The following ARFGEF2 variants were observed in gnomAD, a reference collection of about 807,000 sequenced individuals.
ARFGEF2 encodes brefeldin A-inhibited guanine nucleotide-exchange protein 2.
ARFGEF2 carries 74 observed loss-of-function variants against 219.9 expected under a neutral mutation model. The observed-to-expected ratio is 0.34, with a 90% CI of 0.28 to 0.41. The LOEUF (loss-of-function observed/expected upper bound fraction) is 0.41, where lower values mean the gene tolerates loss of function less well. ARFGEF2 is among the 10% of genes least tolerant of loss of function. The probability of loss-of-function intolerance (pLI) is 1.00; values close to 1 mark genes in which losing one functional copy is unlikely to be tolerated. For synonymous variants in ARFGEF2, 733 were observed against 799.2 expected (o/e 0.92, Z 1.40); for missense variants, 1,743 against 2,218.3 (o/e 0.79, Z 4.30).
intron 6 of ARFGEF2, among the ~76,000 whole-genome samples, chr20:48,962,441 T>C (rs984500052): frequency 2.0e-5 from 3 of 152,164 alleles, no homozygotes; most frequent in African/African-American, 7.2e-5. Flanking sequence ...TGGTTCCTCA[T>C]TGACCAAACG....
chr20:49,017,409 C>A, intron 32 of ARFGEF2, 22 bp downstream of exon 32: 3 of 1,613,882 alleles, frequency 1.9e-6, no homozygotes, highest in Non-Finnish European at 2.5e-6. Flanking sequence ...TGCAGTTGTT[C>A]CCGTTTATCT....
At chr20:49,021,302 A>G (rs2091563768) in intron 34 of ARFGEF2, among the ~76,000 whole-genome samples, 1 of 152,156 alleles carries the variant, frequency 6.6e-6, no homozygotes, top group Non-Finnish European at 1.5e-5. Context: ...GCCACTTTCA[A>G]AAACTTAAAG....
At chr20:48,975,887 T>C in intron 13 of ARFGEF2, 129 bp from the exon 14 acceptor site, 1 of 826,728 alleles carries the variant, frequency 1.2e-6, no homozygotes, top group Admixed American at 2.0e-5. Context: ...GTTTCATGCT[T>C]ATAATCCTTA....
intron 3 of ARFGEF2, among the ~76,000 whole-genome samples, chr20:48,945,172 C>T (rs189863054): frequency 3.2e-4 from 49 of 152,298 alleles, no homozygotes; most frequent in Middle Eastern, 6.8e-3. Context: ...AAGGCCCAGC[C>T]TCCTAATACC....
chr20:49,007,931 C>A (rs942115818), intron 26 of ARFGEF2, among the ~76,000 whole-genome samples: 1 of 140,494 alleles, frequency 7.1e-6, no homozygotes, highest in African/African-American at 2.9e-5. Flanking sequence ...CCAGGCCTTC[C>A]CTGCCTATCC....
At chr20:48,937,553 ATT>A (rs1568691274) in intron 1 of ARFGEF2, among the ~76,000 whole-genome samples, 2 of 151,824 alleles carry the variant, frequency 1.3e-5, no homozygotes, top group African/African-American at 4.8e-5. Flanking sequence ...TGGCCTCAAG[ATT>A]TTTTTTTCTT....
At chr20:48,960,488 CT>C (rs34885946) in intron 6 of ARFGEF2, among the ~76,000 whole-genome samples, 46,805 of 145,678 alleles carry the variant, frequency 0.32, 7,450 homozygotes, top group East Asian at 0.47. Flanking sequence ...AAATAATTTT[CT>C]TTTTTTTTTT....
Position 48,969,249 on chromosome 20 carries a change from C to T in ARFGEF2, c.1162C>T (p.Pro388Ser). ...CTCCCTGTGCAAGCTGTCCATGAAA[C>T]CCCTTGGTGAAGGCCCTCCAGACCC... ...FRSLCKLSMKPLGEGPPDPKS... is the reference protein window; with the variant it reads ...FRSLCKLSMKSLGEGPPDPKS... The change falls in exon 9 of 39, where the codon CCC becomes TCC. Residue 388 changes from proline (P) to serine (S), a missense_variant. Transcript: ENST00000371917. 1 of 1,614,240 alleles carries T rather than the reference C, an allele frequency of 6.2e-7. No individual in the cohort carries two copies. The highest frequency in any genetic ancestry group is 8.5e-7 in the Non-Finnish European group (1 of 1,180,044).
intron 6 of ARFGEF2, 125 bp downstream of exon 6, chr20:48,953,915 C>A: frequency 1.0e-6 from 1 of 1,002,176 alleles, no homozygotes; most frequent in Non-Finnish European, 1.5e-6. Flanking sequence ...TCTTTCTGGG[C>A]CTTTCCCTTT....
intron 33 of ARFGEF2, 76 bp from the exon 34 acceptor site, chr20:49,018,808 G>C (rs1778645177): frequency 8.3e-7 from 1 of 1,212,060 alleles, no homozygotes; most frequent in African/African-American, 1.5e-5. Context: ...GACCAGCCGT[G>C]TTAAAACAGG....
chr20:48,935,654 T>C (rs1243914056), intron 1 of ARFGEF2, among the ~76,000 whole-genome samples: 3 of 151,764 alleles, frequency 2.0e-5, no homozygotes, highest in Non-Finnish European at 2.9e-5. Flanking sequence ...GGCTCCTCAC[T>C]TCCCAGTAGG....
At chr20:49,009,481 G>A (rs563577914) in intron 26 of ARFGEF2, among the ~76,000 whole-genome samples, 1 of 152,036 alleles carries the variant, frequency 6.6e-6, no homozygotes, top group Admixed American at 6.6e-5. Flanking sequence ...AGTCAAACCT[G>A]TAGTCCCAAG....
At chr20:49,027,897 A>G (rs2091612777) in intron 36 of ARFGEF2, among the ~76,000 whole-genome samples, 1 of 152,098 alleles carries the variant, frequency 6.6e-6, no homozygotes, top group Non-Finnish European at 1.5e-5. Flanking sequence ...GAAAGCTAAG[A>G]CAGGAGGATT....
intron 23 of ARFGEF2, among the ~76,000 whole-genome samples, chr20:48,996,282 C>T (rs2091386404): frequency 6.7e-6 from 1 of 149,280 alleles, no homozygotes; most frequent in African/African-American, 2.5e-5. Context: ...AGTGAAACCC[C>T]GTTCTACTAA....
intron 16 of ARFGEF2, among the ~76,000 whole-genome samples, chr20:48,987,585 C>G (rs148195300): frequency 6.6e-6 from 1 of 152,222 alleles, no homozygotes; most frequent in African/African-American, 2.4e-5. Flanking sequence ...TAGATGTTCT[C>G]AGGAACAGGA....
intron 34 of ARFGEF2, among the ~76,000 whole-genome samples, chr20:49,020,095 C>G (rs2091557034): frequency 6.6e-6 from 1 of 152,176 alleles, no homozygotes; most frequent in Admixed American, 6.5e-5. Context: ...GATCATAGAA[C>G]TTGACAACAT....
intron 20 of ARFGEF2, among the ~76,000 whole-genome samples, chr20:48,990,754 T>C (rs961893374): frequency 6.6e-6 from 1 of 152,206 alleles, no homozygotes; most frequent in Non-Finnish European, 1.5e-5. Flanking sequence ...GTGACAGTCT[T>C]AGTATTCAAC....
chr20:49,030,133 C>T (rs1222060571), intron 37 of ARFGEF2, among the ~76,000 whole-genome samples: 2 of 151,756 alleles, frequency 1.3e-5, no homozygotes, highest in African/African-American at 4.8e-5. Flanking sequence ...TGGTCTTGAA[C>T]TCCTGACCTC....
Position 48,991,023 on chromosome 20 carries a change from T to C in ARFGEF2, c.2815-17T>C. 6.2e-7 allele frequency: 1 copy of C among 1,612,638 alleles called. No individual in the cohort carries two copies. The highest frequency in any genetic ancestry group is 8.5e-7 in the Non-Finnish European group (1 of 1,179,298). On this transcript the variant is annotated splice_polypyrimidine_tract_variant and intron_variant, in intron 20 of 38. Transcript: ENST00000371917. Reference sequence around the variant, plus strand: ...AAGGTTGGAGTCACAGTGTTCTCTCTTGGGTTTCTGTTACAGCTGGAACGA... The same window carrying C: ...AAGGTTGGAGTCACAGTGTTCTCTCCTGGGTTTCTGTTACAGCTGGAACGA...
Sources: gnomAD v4.1 joint callset for allele counts (sites outside exome capture counted in the v4.1 genomes callset) on GRCh38, gnomAD v4.1.1 for gene constraint, MANE v1.5 for transcripts, NCBI Gene and HGNC (gene_info 2026-07-23, HGNC 2026-07-21) for gene names.